Variants in PDE10A observed in about 807,000 individuals in gnomAD.
PDE10A encodes phosphodiesterase 10A.
Under a neutral mutation model 97.7 loss-of-function variants are expected in PDE10A, and 39 were observed. The ratio of observed to expected loss-of-function variants is 0.40; its 90% CI spans 0.31 to 0.52. The LOEUF is 0.52. Among genes scored for constraint, PDE10A ranks in the 20% least tolerant of loss-of-function variants. The pLI, the probability that PDE10A is intolerant of heterozygous loss-of-function variation, is 0.56. For missense variants in PDE10A, 731 were observed against 1,047.8 expected, an observed-to-expected ratio of 0.70 and a Z score of 4.17; for synonymous variants, 371 against 376.8, an observed-to-expected ratio of 0.98 and a Z score of 0.18.
At chr6:165,410,645 A>C (rs1554257521) in intron 13 of PDE10A, among the ~76,000 whole-genome samples, 1 of 152,124 alleles carries the variant, frequency 6.6e-6, no homozygotes. Context: ...ACCTGCAGAC[A>C]GGACCTTTCA....
intron 1 of PDE10A, among the ~76,000 whole-genome samples, chr6:165,727,032 C>A (rs141556710): frequency 6.6e-6 from 1 of 152,170 alleles, no homozygotes; most frequent in African/African-American, 2.4e-5. Context: ...TGGGACCGAG[C>A]ACGTGGGGAT....
intron 2 of PDE10A, among the ~76,000 whole-genome samples, chr6:165,507,751 G>A (rs556533669): frequency 6.6e-6 from 1 of 151,956 alleles, no homozygotes; most frequent in African/African-American, 2.4e-5. Flanking sequence ...GGGCCCTATT[G>A]TTTTGGGGGC....
At chr6:165,965,871 C>A (rs1319987306) in intron 1 of PDE10A, among the ~76,000 whole-genome samples, 1 of 152,156 alleles carries the variant, frequency 6.6e-6, no homozygotes. Context: ...TGGAACAAAC[C>A]ATGGTGGATG....
upstream of PDE10A, among the ~76,000 whole-genome samples, chr6:165,664,763 C>T (rs749118024): frequency 6.6e-6 from 1 of 152,196 alleles, no homozygotes; most frequent in African/African-American, 2.4e-5. Context: ...CTGAGGGCTG[C>T]CCACACATTT....
chr6:165,877,540 TACAC>T (rs1032954750), intron 1 of PDE10A, among the ~76,000 whole-genome samples: 4 of 152,206 alleles, frequency 2.6e-5, no homozygotes, highest in African/African-American at 9.6e-5. Context: ...ATTGTATAGA[TACAC>T]ATATATATAC....
intron 1 of PDE10A, among the ~76,000 whole-genome samples, chr6:165,958,568 AGAC>A (rs1209837104): frequency 0.055 from 542 of 9,832 alleles, 52 homozygotes; most frequent in African/African-American, 0.082. Flanking sequence ...AAAGAAAGAC[AGAC>A]AGAAAGAAAG....
At chr6:165,924,117 C>A (rs1048135631) in intron 1 of PDE10A, among the ~76,000 whole-genome samples, 2 of 152,174 alleles carry the variant, frequency 1.3e-5, no homozygotes, top group African/African-American at 2.4e-5. Context: ...AAGATCTCCC[C>A]CTGTGGGTAT....
chr6:165,875,738 T>TTTG (rs1449032025), intron 1 of PDE10A, among the ~76,000 whole-genome samples: 1 of 146,426 alleles, frequency 6.8e-6, no homozygotes, highest in Non-Finnish European at 1.5e-5. Context: ...ACTGTTTTTT[T>TTTG]TTTTTTTTTG....
chr6:165,411,368 G>A (rs956025273), intron 13 of PDE10A, among the ~76,000 whole-genome samples: 11 of 152,206 alleles, frequency 7.2e-5, no homozygotes, highest in Non-Finnish European at 1.2e-4. Context: ...GATTTAAAGC[G>A]TGGGTCCTAA....
At chr6:165,372,424 T>C (rs1784319655) in intron 18 of PDE10A, among the ~76,000 whole-genome samples, 1 of 137,836 alleles carries the variant, frequency 7.3e-6, no homozygotes, top group Non-Finnish European at 1.5e-5. Context: ...AGCATTCTTA[T>C]ACACCAATAA....
Position 165,903,164 on chromosome 6 carries a change from G to A in PDE10A, c.-615+84365C>T, listed in dbSNP as rs138843671. On this transcript the variant is annotated intron_variant, in intron 1 of 19. Coordinates refer to the PDE10A transcript ENST00000366882. ...GATGTTTGTAAGTTAGGTGGGGTTCGGTTTTTACAGAATTTTGTAAGGGTT... is the reference window on the plus strand; with the variant it reads ...GATGTTTGTAAGTTAGGTGGGGTTCAGTTTTTACAGAATTTTGTAAGGGTT... Among the ~76,000 whole-genome samples, 276 of 152,226 alleles carry A rather than the reference G, an allele frequency of 1.8e-3. 1 individual carries two copies. Among genetic ancestry groups the A allele is most frequent in the African/African-American group, 6.0e-3 (250 of 41,526 alleles).
chr6:165,736,530 C>A (rs539611287), intron 1 of PDE10A, among the ~76,000 whole-genome samples: 1 of 152,148 alleles, frequency 6.6e-6, no homozygotes, highest in South Asian at 2.1e-4. Flanking sequence ...GCAAGGCTGG[C>A]CTCCCAAGCT....
At chr6:165,957,880 T>A (rs542239172) in intron 1 of PDE10A, among the ~76,000 whole-genome samples, 1 of 152,346 alleles carries the variant, frequency 6.6e-6, no homozygotes, top group Admixed American at 6.5e-5. Flanking sequence ...CTGAATTAGG[T>A]CCATGTCTCC....
intron 1 of PDE10A, among the ~76,000 whole-genome samples, chr6:165,616,388 C>G (rs990755554): frequency 6.6e-6 from 1 of 152,130 alleles, no homozygotes; most frequent in African/African-American, 2.4e-5. Context: ...GAAGTAGCTG[C>G]TCCTTGGCAG....
chr6:165,742,717 G>A (rs1283760439), intron 1 of PDE10A, among the ~76,000 whole-genome samples: 1 of 152,138 alleles, frequency 6.6e-6, no homozygotes, highest in African/African-American at 2.4e-5. Flanking sequence ...GTCCTGTCCT[G>A]TAGATAAGTG....
At chr6:165,651,303 C>T (rs1789674562) in intron 1 of PDE10A, among the ~76,000 whole-genome samples, 1 of 152,154 alleles carries the variant, frequency 6.6e-6, no homozygotes, top group Non-Finnish European at 1.5e-5. Context: ...TGTGATTTGT[C>T]TTGTTCATCT....
chr6:165,344,065 C>T (rs1782146378), intron 18 of PDE10A, among the ~76,000 whole-genome samples: 1 of 152,162 alleles, frequency 6.6e-6, no homozygotes, highest in South Asian at 2.1e-4. Context: ...CACTGTGCTT[C>T]TCATTAGCAG....
At chr6:165,592,096 A>T (rs1363430498) in intron 1 of PDE10A, among the ~76,000 whole-genome samples, 1 of 152,222 alleles carries the variant, frequency 6.6e-6, no homozygotes, top group Admixed American at 6.5e-5. Context: ...TGGTACTGAT[A>T]CCAAAACAGA....
At chr6:165,341,845 A>T (rs1333145303) in intron 19 of PDE10A, among the ~76,000 whole-genome samples, 1 of 152,216 alleles carries the variant, frequency 6.6e-6, no homozygotes, top group Non-Finnish European at 1.5e-5. Context: ...ACTGTGATAC[A>T]CAATTTACTG....
Sources: allele counts gnomAD v4.1 joint callset (sites outside exome capture counted in the v4.1 genomes callset), GRCh38; gene constraint gnomAD v4.1.1; transcripts MANE v1.5; gene names NCBI Gene and HGNC (gene_info 2026-07-23, HGNC 2026-07-21).